The following BIRC5 variants were observed in gnomAD, a reference collection of about 807,000 sequenced individuals.
The protein encoded by BIRC5 is baculoviral IAP repeat containing 5, also known as baculoviral IAP repeat-containing protein 5.
Under a neutral mutation model 15.8 loss-of-function variants are expected in BIRC5, and 8 were observed. The observed-to-expected ratio is 0.51, with a 90% CI of 0.30 to 0.91. The LOEUF (loss-of-function observed/expected upper bound fraction) is 0.91. BIRC5 is among the 40% of genes least tolerant of loss of function. The pLI, the probability that BIRC5 is intolerant of heterozygous loss-of-function variation, is 0.07. For synonymous variants in BIRC5, 56 were observed against 64.5 expected (o/e 0.87, Z 0.63); for missense variants, 163 against 178.6 (o/e 0.91, Z 0.50).
chr17:78,214,660 A>C lies in BIRC5; in HGVS notation c.112-20A>C, dbSNP rs1308515346. 1 of 1,574,966 alleles carries C rather than the reference A, an allele frequency of 6.3e-7. No individual in the cohort carries two copies. Among genetic ancestry groups the C allele is most frequent in the Non-Finnish European group, 8.6e-7 (1 of 1,159,322 alleles). On this transcript the variant is annotated intron_variant, in intron 1 of 3. Coordinates refer to ENST00000350051, the MANE Select transcript of BIRC5 (RefSeq NM_001168.3). ...TTCCGGGCTGCCACGTCCACTCACG[A>C]GCTGTGCTGTCCCTTGCAGATGGCC... is the stretch of plus-strand genomic sequence containing the variant.
chr17:78,214,998 T>C (rs4789551), intron 2 of BIRC5: 47,892 of 521,728 alleles, frequency 0.092, 2,708 homozygotes, highest in African/African-American at 0.19. Flanking sequence ...TGCCTTGGGG[T>C]GGACGTAAGA....
chr17:78,222,773 A>G (rs1567866507), intron 3 of BIRC5: 2 of 1,529,724 alleles, frequency 1.3e-6, no homozygotes, highest in South Asian at 1.2e-5. Flanking sequence ...TATAAAAAAT[A>G]TGGTAGGGAA....
At chr17:78,215,310 G>T (rs368607298) in intron 2 of BIRC5, among the ~76,000 whole-genome samples, 2 of 152,094 alleles carry the variant, frequency 1.3e-5, no homozygotes, top group Non-Finnish European at 2.9e-5. Flanking sequence ...CCAGCTACTC[G>T]GGAGGCTAAG....
chr17:78,222,702 A>G, intron 3 of BIRC5: 1 of 1,321,816 alleles, frequency 7.6e-7, no homozygotes, highest in South Asian at 1.5e-5. Context: ...AACCTCTGTC[A>G]GCAAACAAAT....
At position 78,224,047 on chromosome 17, in the gene BIRC5, TGTTGTTGTGTTTTTTTG is replaced by T. The variant is rs1180758313; in HGVS notation, c.*494_*510del. 12 of 64,488 alleles carry T rather than the reference TGTTGTTGTGTTTTTTTG, an allele frequency of 1.9e-4. No individual in the cohort carries two copies. Among genetic ancestry groups the T allele is most frequent in the Non-Finnish European group, 2.7e-4 (9 of 32,818 alleles). The allele number at this position is 64,488 out of a possible 1,614,324, so 4.0% of individuals were successfully genotyped here. On this transcript the variant is annotated 3_prime_UTR_variant, in exon 4 of 4. Transcript: ENST00000350051. Reference sequence around the variant, plus strand: ...GTGCCTCCTCAGAGGACAGTTTTTTTGTTGTTGTGTTTTTTTGTTTTTTTTTTTTTGGTAGATGCATG... The same window carrying T: ...GTGCCTCCTCAGAGGACAGTTTTTTTTTTTTTTTTTTTTGGTAGATGCATG...
chr17:78,220,384 C>T (rs960966782), intron 3 of BIRC5, among the ~76,000 whole-genome samples: 9 of 151,468 alleles, frequency 5.9e-5, no homozygotes, highest in South Asian at 4.2e-4. Flanking sequence ...GCCGAGATCG[C>T]GCCACTGCAC....
rs1306474014 is a variant in BIRC5 at position 78,225,516 on chromosome 17, ACAG to A, written c.*1966_*1968del. On this transcript the variant is annotated 3_prime_UTR_variant, in exon 4 of 4. Coordinates refer to ENST00000350051, the MANE Select transcript of BIRC5 (RefSeq NM_001168.3). The stretch of plus-strand genomic sequence containing the variant: ...CCAACTGCCATCCTGGAAAGTAGAG[ACAG>A]CAGTGCCCGCTGCCCAGAAGAGACC... 5.9e-5 allele frequency: 9 copies of A among 152,246 alleles called. No individual in the cohort carries two copies. The highest frequency in any genetic ancestry group is 2.2e-4 in the African/African-American group (9 of 41,460). 9.4% of individuals were successfully genotyped at this position (152,246 alleles called of 1,614,324 possible).
intron 3 of BIRC5, among the ~76,000 whole-genome samples, chr17:78,221,523 T>C (rs1599032324): frequency 6.6e-6 from 1 of 151,432 alleles, no homozygotes; most frequent in Non-Finnish European, 1.5e-5. Flanking sequence ...GCCTCCCAGG[T>C]TCACTCCATT....
intron 3 of BIRC5, among the ~76,000 whole-genome samples, chr17:78,221,502 C>T (rs925435027): frequency 5.9e-5 from 9 of 152,056 alleles, no homozygotes; most frequent in East Asian, 3.9e-4. Context: ...TCTCGGCTGA[C>T]GGCAAGCTCC....
chr17:78,221,661 G>T (rs1386790414), intron 3 of BIRC5, among the ~76,000 whole-genome samples: 1 of 152,212 alleles, frequency 6.6e-6, no homozygotes, highest in Non-Finnish European at 1.5e-5. Context: ...AGCAAGAGTT[G>T]TGTTTGCTTC....
chr17:78,214,430 G>A lies in BIRC5; in HGVS notation c.111+3G>A, dbSNP rs771536267. The A allele has an allele frequency of 1.9e-6, 3 of 1,553,642 alleles. No individual in the cohort carries two copies. Among genetic ancestry groups the A allele is most frequent in the Non-Finnish European group, 2.6e-6 (3 of 1,148,392 alleles). ...GCTGCGCCTGCACCCCGGAGCGGGT[G>A]AGACTGCCCGGCCTCCTGGGGTCCC... On this transcript the variant is annotated splice_donor_region_variant and intron_variant, in intron 1 of 3. Coordinates refer to ENST00000350051, the MANE Select transcript of BIRC5 (RefSeq NM_001168.3).
chr17:78,216,551 C>G (rs1359799968), intron 2 of BIRC5, 113 bp from the exon 3 acceptor site: 1 of 843,378 alleles, frequency 1.2e-6, no homozygotes, highest in African/African-American at 1.7e-5. Context: ...ACGTCTTACT[C>G]CTGAGGCAGA....
intron 2 of BIRC5, 53 bp downstream of exon 2, chr17:78,214,842 A>G: frequency 6.6e-7 from 1 of 1,516,154 alleles, no homozygotes; most frequent in Non-Finnish European, 9.0e-7. Context: ...TGAGTTGTCA[A>G]AAGATTTGAG....
chr17:78,223,395 G>T, intron 3 of BIRC5, 70 bp from the exon 4 acceptor site: 8 of 1,411,022 alleles, frequency 5.7e-6, no homozygotes, highest in Admixed American at 4.7e-5. Context: ...TTTTTCCTTT[G>T]TCATCTTATC....
chr17:78,218,191 A>G (rs2076492828), intron 3 of BIRC5, among the ~76,000 whole-genome samples: 1 of 152,078 alleles, frequency 6.6e-6, no homozygotes, highest in Admixed American at 6.6e-5. Flanking sequence ...ATATACCGGT[A>G]TAAGTAAATC....
intron 3 of BIRC5, among the ~76,000 whole-genome samples, chr17:78,222,316 CA>C (rs1274667671): frequency 4.0e-5 from 6 of 150,598 alleles, no homozygotes; most frequent in African/African-American, 1.5e-4. Flanking sequence ...TAAAAAATGA[CA>C]AATTTTTATT....
chr17:78,216,465 G>C, intron 2 of BIRC5, 199 bp from the exon 3 acceptor site: 1 of 535,968 alleles, frequency 1.9e-6, no homozygotes, highest in Non-Finnish European at 3.4e-6. Context: ...TGTCCACAGG[G>C]AGAGAGAAGG....
intron 3 of BIRC5, among the ~76,000 whole-genome samples, chr17:78,220,233 CCTGG>C (rs1279291248): frequency 6.6e-6 from 1 of 152,100 alleles, no homozygotes; most frequent in East Asian, 1.9e-4. Context: ...TCGAGACCAT[CCTGG>C]CTAACATGGT....
At chr17:78,214,540 C>T in intron 1 of BIRC5, 113 bp downstream of exon 1, 1 of 1,268,998 alleles carries the variant, frequency 7.9e-7, no homozygotes, top group Non-Finnish European at 1.1e-6. Flanking sequence ...CCGTCCTGTC[C>T]CCAGCGAGGC....
Sources: gnomAD v4.1 joint callset for allele counts (sites outside exome capture counted in the v4.1 genomes callset) on GRCh38, gnomAD v4.1.1 for gene constraint, MANE v1.5 for transcripts, NCBI Gene and HGNC (gene_info 2026-07-23, HGNC 2026-07-21) for gene names.